AKAP6: variants seen among roughly 807,000 people sequenced by gnomAD.
AKAP6 encodes A-kinase anchoring protein 6.
AKAP6 carries 58 observed loss-of-function variants against 188.5 expected under a neutral mutation model. That is an observed-to-expected ratio of 0.31 (90% CI 0.25 to 0.38). AKAP6 has a LOEUF of 0.38. Ranked by LOEUF, AKAP6 falls within the 10% of genes least tolerant of loss-of-function variation. The pLI, the probability that AKAP6 is intolerant of heterozygous loss-of-function variation, is 1.00. For missense variants in AKAP6, 2,710 were observed against 2,740.0 expected, an observed-to-expected ratio of 0.99 and a Z score of 0.24; for synonymous variants, 989 against 998.6, an observed-to-expected ratio of 0.99 and a Z score of 0.18.
At chr14:32,659,832 T>C in intron 7 of AKAP6, among the ~76,000 whole-genome samples, 1 of 152,138 alleles carries the variant, frequency 6.6e-6, no homozygotes, top group African/African-American at 2.4e-5. Context: ...TGGCAGACTT[T>C]GACTCTGATA....
chr14:32,763,780 A>G (rs923760990), intron 11 of AKAP6, among the ~76,000 whole-genome samples: 1 of 152,182 alleles, frequency 6.6e-6, no homozygotes, highest in African/African-American at 2.4e-5. Flanking sequence ...AGGGTTTGCA[A>G]CTGAGCTGAA....
At chr14:32,405,424 A>G (rs1282836040) in intron 1 of AKAP6, among the ~76,000 whole-genome samples, 1 of 152,226 alleles carries the variant, frequency 6.6e-6, no homozygotes, top group African/African-American at 2.4e-5. Flanking sequence ...CACAACAAAT[A>G]TAATTGACAA....
At chr14:32,817,879 TA>T (rs2034427825) in intron 12 of AKAP6, among the ~76,000 whole-genome samples, 1 of 152,222 alleles carries the variant, frequency 6.6e-6, no homozygotes, top group South Asian at 2.1e-4. Context: ...ATAATTTTCC[TA>T]TCAGTTACAT....
intron 9 of AKAP6, among the ~76,000 whole-genome samples, chr14:32,727,746 A>G (rs895665241): frequency 6.6e-6 from 1 of 152,198 alleles, no homozygotes; most frequent in South Asian, 2.1e-4. Context: ...CCTATTATTA[A>G]TTTACAAGGA....
intron 2 of AKAP6, among the ~76,000 whole-genome samples, chr14:32,479,696 G>A (rs1879242749): frequency 6.6e-6 from 1 of 152,092 alleles, no homozygotes; most frequent in African/African-American, 2.4e-5. Flanking sequence ...TAGAAGGTGG[G>A]GCCTTTGGGA....
At chr14:32,395,472 A>G (rs532425350) in intron 1 of AKAP6, among the ~76,000 whole-genome samples, 3 of 152,190 alleles carry the variant, frequency 2.0e-5, no homozygotes, top group South Asian at 2.1e-4. Context: ...GGCAGAATTA[A>G]TGGAATTTGG....
At chr14:32,659,421 A>G (rs138711575) in intron 7 of AKAP6, among the ~76,000 whole-genome samples, 6 of 152,260 alleles carry the variant, frequency 3.9e-5, no homozygotes, top group Middle Eastern at 3.4e-3. Flanking sequence ...CCATAAGCAC[A>G]AATACTTTAA....
At chr14:32,594,627 C>T (rs1221763153) in intron 5 of AKAP6, among the ~76,000 whole-genome samples, 2 of 152,150 alleles carry the variant, frequency 1.3e-5, no homozygotes, top group Non-Finnish European at 2.9e-5. Flanking sequence ...CCAGGAGCCC[C>T]TCTGAGAATG....
At chr14:32,402,391 A>G (rs985127379) in intron 1 of AKAP6, among the ~76,000 whole-genome samples, 4 of 152,360 alleles carry the variant, frequency 2.6e-5, no homozygotes, top group African/African-American at 7.2e-5. Context: ...TAAATTTTTC[A>G]GCCCACAAAT....
intron 2 of AKAP6, chr14:32,439,160 G>T (rs1014793519): frequency 6.6e-6 from 1 of 152,202 alleles, no homozygotes; most frequent in Non-Finnish European, 1.5e-5. Flanking sequence ...TGTTCTGACT[G>T]GGCTGTACCC....
At chr14:32,513,909 A>G (rs1359184944) in intron 2 of AKAP6, among the ~76,000 whole-genome samples, 4 of 152,310 alleles carry the variant, frequency 2.6e-5, no homozygotes, top group South Asian at 4.1e-4. Flanking sequence ...ATGCGATTAA[A>G]TATATTTTAC....
intron 1 of AKAP6, among the ~76,000 whole-genome samples, chr14:32,410,647 T>C (rs1332852262): frequency 6.6e-6 from 1 of 152,190 alleles, no homozygotes; most frequent in Non-Finnish European, 1.5e-5. Context: ...TGAGACTTTT[T>C]TTTAAAGATT....
chr14:32,531,096 T>C (rs545285378), intron 2 of AKAP6, among the ~76,000 whole-genome samples: 9 of 152,332 alleles, frequency 5.9e-5, no homozygotes, highest in African/African-American at 1.9e-4. Flanking sequence ...TAACATAATG[T>C]ATTCAATACA....
intron 2 of AKAP6, among the ~76,000 whole-genome samples, chr14:32,501,723 C>T (rs535876856): frequency 2.0e-5 from 3 of 152,210 alleles, no homozygotes; most frequent in African/African-American, 4.8e-5. Context: ...TAAGTAGATG[C>T]GAGGTCTTCA....
intron 9 of AKAP6, among the ~76,000 whole-genome samples, chr14:32,730,357 A>G (rs989037751): frequency 9.9e-5 from 15 of 152,198 alleles, no homozygotes; most frequent in Non-Finnish European, 2.1e-4. Context: ...AGTTTCTTTT[A>G]AAGGTAATAA....
chr14:32,364,656 G>T (rs1887771664), intron 1 of AKAP6, among the ~76,000 whole-genome samples: 1 of 151,860 alleles, frequency 6.6e-6, no homozygotes, highest in Non-Finnish European at 1.5e-5. Context: ...GCTGTCCCCT[G>T]CCCCGACTGA....
At chr14:32,686,265 G>A (rs943116646) in intron 8 of AKAP6, among the ~76,000 whole-genome samples, 35 of 152,122 alleles carry the variant, frequency 2.3e-4, no homozygotes, top group Admixed American at 5.9e-4. Flanking sequence ...TGGAGACAGA[G>A]AAGGACAGTT....
At position 32,492,355 on chromosome 14, in the gene AKAP6, T is replaced by TATATATAGAGAGAGAGAGAGAG; in HGVS notation, c.325-43198_325-43197insTATATAGAGAGAGAGAGAGAGA. On this transcript the variant is annotated intron_variant, in intron 2 of 13. Coordinates refer to ENST00000280979, the MANE Select transcript of AKAP6 (RefSeq NM_004274.5). ...ACATTGTAATATATATATATATATA[T>TATATATAGAGAGAGAGAGAGAG]AGAGAGAGAGAGAGAGAGAGAGAGA... Among the ~76,000 whole-genome samples, 61 of 82,596 alleles carry TATATATAGAGAGAGAGAGAGAG rather than the reference T, an allele frequency of 7.4e-4. No homozygotes were observed. The East Asian group carries it at 0.013, about 18-fold the overall frequency. 54.2% of individuals were successfully genotyped at this position (82,596 alleles called of 152,430 possible).
At chr14:32,795,374 C>CA (rs1270317601) in intron 12 of AKAP6, among the ~76,000 whole-genome samples, 1 of 152,094 alleles carries the variant, frequency 6.6e-6, no homozygotes, top group Non-Finnish European at 1.5e-5. Flanking sequence ...AATGTAGATG[C>CA]AAAAATCCTC....
Sources: gnomAD v4.1 joint callset for allele counts (sites outside exome capture counted in the v4.1 genomes callset) on GRCh38, gnomAD v4.1.1 for gene constraint, MANE v1.5 for transcripts, NCBI Gene and HGNC (gene_info 2026-07-23, HGNC 2026-07-21) for gene names.